Variants in C12orf42 observed in about 807,000 individuals in gnomAD.
C12orf42 encodes uncharacterized protein C12orf42.
In C12orf42, 25 loss-of-function variants were observed where a neutral mutation model predicts 21.6. That is an observed-to-expected ratio of 1.16 (90% CI 0.84 to 1.62). The LOEUF (loss-of-function observed/expected upper bound fraction) is 1.62. C12orf42 is among the 40% of genes most tolerant of loss of function. The pLI is 0.00. For missense variants in C12orf42, 483 were observed against 459.3 expected (o/e 1.05, Z -0.47); for synonymous variants, 174 against 175.0 (o/e 0.99, Z 0.05).
intron 4 of C12orf42, among the ~76,000 whole-genome samples, chr12:103,347,139 T>C (rs980492554): frequency 2.6e-5 from 4 of 152,156 alleles, no homozygotes; most frequent in Non-Finnish European, 5.9e-5. Context: ...ACATGTGCCA[T>C]GGTGGTTGGC....
the C12orf42 span, among the ~76,000 whole-genome samples, chr12:103,077,024 A>G: frequency 7.9e-5 from 12 of 152,340 alleles, no homozygotes; most frequent in South Asian, 2.3e-3. Flanking sequence ...GATTGAAAAA[A>G]TAAAATTGTA....
chr12:103,172,235 T>G, the C12orf42 span, among the ~76,000 whole-genome samples: 1 of 152,052 alleles, frequency 6.6e-6, no homozygotes, highest in South Asian at 2.1e-4. Flanking sequence ...TAGGGTAATA[T>G]GCATGAAGCA....
chr12:103,207,437 C>T, the C12orf42 span, among the ~76,000 whole-genome samples: 4 of 152,194 alleles, frequency 2.6e-5, no homozygotes, highest in Non-Finnish European at 5.9e-5. Flanking sequence ...GTTTAAAATG[C>T]GTGCGCACAC....
intron 10 of C12orf42, among the ~76,000 whole-genome samples, chr12:103,253,947 G>C (rs556023430): frequency 6.6e-6 from 1 of 151,964 alleles, no homozygotes; most frequent in Non-Finnish European, 1.5e-5. Context: ...TCTGATGACA[G>C]TTTATTTTGT....
chr12:103,406,488 T>C (rs1457592370), intron 2 of C12orf42, among the ~76,000 whole-genome samples: 2 of 152,232 alleles, frequency 1.3e-5, no homozygotes, highest in Non-Finnish European at 2.9e-5. Context: ...GGAAGGGGTC[T>C]GGTCACCACT....
At chr12:103,507,179 T>A in the C12orf42 span, among the ~76,000 whole-genome samples, 1 of 23,694 alleles carries the variant, frequency 4.2e-5, no homozygotes, top group Admixed American at 7.5e-4. Context: ...ATATTTATAT[T>A]ATATATAATA....
chr12:103,094,002 G>A, the C12orf42 span, among the ~76,000 whole-genome samples: 3 of 152,182 alleles, frequency 2.0e-5, no homozygotes, highest in African/African-American at 7.2e-5. Context: ...GGGAGGAAAA[G>A]TCCAAAGTGT....
intron 2 of C12orf42, among the ~76,000 whole-genome samples, chr12:103,474,816 G>A (rs1294053853): frequency 2.0e-5 from 3 of 152,128 alleles, no homozygotes; most frequent in Admixed American, 6.5e-5. Flanking sequence ...CATGTTCATG[G>A]GTTCTGCCTT....
At chr12:103,552,871 A>T in the C12orf42 span, among the ~76,000 whole-genome samples, 22 of 152,172 alleles carry the variant, frequency 1.4e-4, no homozygotes, top group Non-Finnish European at 2.8e-4. Context: ...GGGAAGAGGC[A>T]TATCTTATGT....
the C12orf42 span, among the ~76,000 whole-genome samples, chr12:103,073,610 C>T: frequency 7.1e-4 from 108 of 152,094 alleles, no homozygotes; most frequent in South Asian, 1.2e-3. Context: ...TTCTTGGTCA[C>T]GGTATATGAC....
the C12orf42 span, among the ~76,000 whole-genome samples, chr12:103,502,243 A>G: frequency 6.6e-6 from 1 of 152,080 alleles, no homozygotes. Context: ...ACTCCCACTC[A>G]TCCTTCCATT....
At chr12:103,063,086 G>T in the C12orf42 span, among the ~76,000 whole-genome samples, 1 of 152,106 alleles carries the variant, frequency 6.6e-6, no homozygotes, top group Admixed American at 6.6e-5. Context: ...AAGAAGTTTG[G>T]TGATTCTATA....
chr12:103,201,151 G>C, the C12orf42 span, among the ~76,000 whole-genome samples: 1 of 152,166 alleles, frequency 6.6e-6, no homozygotes, highest in Non-Finnish European at 1.5e-5. Flanking sequence ...CATTGTTATG[G>C]AGAAAAATTG....
the C12orf42 span, among the ~76,000 whole-genome samples, chr12:103,128,421 A>G: frequency 6.6e-6 from 1 of 152,212 alleles, no homozygotes; most frequent in Non-Finnish European, 1.5e-5. Context: ...CCGAAATGGC[A>G]CTGGCTTTGC....
the C12orf42 span, among the ~76,000 whole-genome samples, chr12:103,199,265 GA>G: frequency 1.3e-5 from 2 of 151,998 alleles, no homozygotes; most frequent in Non-Finnish European, 2.9e-5. Flanking sequence ...ACATTCAAAG[GA>G]ATGAAATTGA....
intron 4 of C12orf42, among the ~76,000 whole-genome samples, chr12:103,287,806 A>AAGAG (rs572273416): frequency 6.6e-6 from 1 of 151,044 alleles, no homozygotes; most frequent in Non-Finnish European, 1.5e-5. Flanking sequence ...CAGAGAGAGA[A>AAGAG]AGAGAGAGAG....
intron 3 of C12orf42, among the ~76,000 whole-genome samples, chr12:103,387,780 C>T (rs2046738028): frequency 2.0e-5 from 3 of 152,164 alleles, no homozygotes; most frequent in African/African-American, 7.2e-5. Context: ...CAGAGGTACT[C>T]GAGAAATGTT....
chr12:103,401,481 T>TA (rs2047986390), intron 3 of C12orf42, 126 bp downstream of exon 3: 4 of 770,970 alleles, frequency 5.2e-6, no homozygotes, highest in Non-Finnish European at 8.6e-6. Flanking sequence ...TTTTAAAATG[T>TA]AAAAAATCCT....
chr12:103,307,037 C>A (rs536761963), intron 4 of C12orf42, among the ~76,000 whole-genome samples: 1 of 152,272 alleles, frequency 6.6e-6, no homozygotes, highest in Non-Finnish European at 1.5e-5. Flanking sequence ...ACCCTAGGGG[C>A]TTCAGAAAAA....
Sources: allele counts gnomAD v4.1 joint callset (sites outside exome capture counted in the v4.1 genomes callset), GRCh38; gene constraint gnomAD v4.1.1; transcripts MANE v1.5; gene names NCBI Gene and HGNC (gene_info 2026-07-23, HGNC 2026-07-21).